KLHL1: variants seen among roughly 807,000 people sequenced by gnomAD.
KLHL1 encodes kelch like family member 1, also known as kelch-like protein 1.
A neutral mutation model predicts 77.7 loss-of-function variants in KLHL1; 47 were observed. The ratio of observed to expected loss-of-function variants is 0.60; its 90% CI spans 0.48 to 0.77. The LOEUF is 0.77. Among genes scored for constraint, KLHL1 ranks in the 30% least tolerant of loss-of-function variants. The pLI, the probability that KLHL1 is intolerant of heterozygous loss-of-function variation, is 0.00. For missense variants in KLHL1, 925 were observed against 910.8 expected (o/e 1.02, Z -0.20); for synonymous variants, 360 against 325.2 (o/e 1.11, Z -1.15).
At chr13:70,013,423 C>A (rs1885584924) in intron 1 of KLHL1, among the ~76,000 whole-genome samples, 2 of 152,134 alleles carry the variant, frequency 1.3e-5, no homozygotes, top group South Asian at 2.1e-4. Context: ...AAGCTTCCAT[C>A]TCTCACCACA....
chr13:69,820,758 A>G (rs913949866), intron 6 of KLHL1, among the ~76,000 whole-genome samples: 8 of 152,196 alleles, frequency 5.3e-5, no homozygotes, highest in Non-Finnish European at 1.2e-4. Context: ...AGCAGGTAGA[A>G]CAGGAGGTTG....
chr13:69,866,533 C>A (rs1880370469), intron 5 of KLHL1, among the ~76,000 whole-genome samples: 2 of 152,002 alleles, frequency 1.3e-5, no homozygotes, highest in African/African-American at 4.8e-5. Flanking sequence ...CATTGGTCTT[C>A]AATAGATTTT....
At chr13:69,997,469 C>G (rs1399463734) in intron 1 of KLHL1, among the ~76,000 whole-genome samples, 3 of 151,154 alleles carry the variant, frequency 2.0e-5, no homozygotes, top group Non-Finnish European at 4.4e-5. Context: ...CCCATTTTCT[C>G]TCCCTTCTAG....
chr13:69,812,157 T>C (rs1163848962), intron 6 of KLHL1, among the ~76,000 whole-genome samples: 1 of 152,208 alleles, frequency 6.6e-6, no homozygotes, highest in Non-Finnish European at 1.5e-5. Flanking sequence ...CATTTCGTTA[T>C]GTACCCAGTA....
chr13:69,903,002 G>C (rs779837678), intron 4 of KLHL1, among the ~76,000 whole-genome samples: 2 of 152,026 alleles, frequency 1.3e-5, no homozygotes, highest in African/African-American at 2.4e-5. Context: ...TTCCAATATA[G>C]TGTGCCTTAT....
chr13:69,859,802 T>C (rs755608577), intron 5 of KLHL1, among the ~76,000 whole-genome samples: 6 of 152,092 alleles, frequency 3.9e-5, no homozygotes, highest in Non-Finnish European at 8.8e-5. Flanking sequence ...AAAACATTAA[T>C]ATGTCAGTAG....
chr13:69,777,777 ATAAC>A (rs941442644), intron 7 of KLHL1, among the ~76,000 whole-genome samples: 5 of 152,276 alleles, frequency 3.3e-5, no homozygotes, highest in Admixed American at 3.3e-4. Context: ...CATTGTATGT[ATAAC>A]TAACTCTTTA....
chr13:69,724,858 A>T (rs1873225851), intron 8 of KLHL1, among the ~76,000 whole-genome samples: 1 of 152,164 alleles, frequency 6.6e-6, no homozygotes, highest in South Asian at 2.1e-4. Context: ...ATTAATTAAG[A>T]TGCTATATAT....
intron 6 of KLHL1, among the ~76,000 whole-genome samples, chr13:69,812,787 T>C (rs1396063242): frequency 6.7e-6 from 1 of 150,206 alleles, no homozygotes; most frequent in Admixed American, 6.6e-5. Context: ...CTCACACCAG[T>C]TAGTTAGAAT....
intron 5 of KLHL1, among the ~76,000 whole-genome samples, chr13:69,855,323 G>C (rs1357371044): frequency 6.1e-5 from 8 of 131,090 alleles, no homozygotes; most frequent in African/African-American, 1.9e-4. Flanking sequence ...TAGATAGATA[G>C]ATAGATAGAT....
At chr13:69,966,804 C>T (rs941652931) in intron 2 of KLHL1, among the ~76,000 whole-genome samples, 11 of 152,016 alleles carry the variant, frequency 7.2e-5, no homozygotes, top group African/African-American at 2.7e-4. Flanking sequence ...TATTATTCAA[C>T]TCTCTATGTC....
At chr13:69,835,541 G>T (rs116291747) in intron 6 of KLHL1, among the ~76,000 whole-genome samples, 2,219 of 152,182 alleles carry the variant, frequency 0.015, 61 homozygotes, top group African/African-American at 0.049. Flanking sequence ...GTTAAAGGGG[G>T]CTGACATGGC....
intron 6 of KLHL1, chr13:69,803,102 C>A (rs944211193): frequency 6.6e-6 from 1 of 152,134 alleles, no homozygotes; most frequent in South Asian, 2.1e-4. Flanking sequence ...AGCTACTTGA[C>A]ACTTTAGGGA....
chr13:69,864,003 C>T (rs557701178), intron 5 of KLHL1, among the ~76,000 whole-genome samples: 37 of 151,832 alleles, frequency 2.4e-4, no homozygotes, highest in Admixed American at 3.3e-4. Flanking sequence ...TAATAAACAA[C>T]GCAATAATTT....
At chr13:69,868,752 T>C (rs1880468075) in intron 5 of KLHL1, among the ~76,000 whole-genome samples, 1 of 152,134 alleles carries the variant, frequency 6.6e-6, no homozygotes, top group African/African-American at 2.4e-5. Context: ...TTCTCACACA[T>C]GAATAAAATG....
intron 1 of KLHL1, among the ~76,000 whole-genome samples, chr13:69,984,208 G>C (rs1884802103): frequency 6.6e-6 from 1 of 152,054 alleles, no homozygotes; most frequent in South Asian, 2.1e-4. Flanking sequence ...GTGAGGGTAC[G>C]GATGTCCTTG....
chr13:69,907,596 A>G (rs1293112492), intron 4 of KLHL1, among the ~76,000 whole-genome samples: 6 of 152,174 alleles, frequency 3.9e-5, no homozygotes, highest in Middle Eastern at 6.8e-3. Flanking sequence ...GTTAACTGCA[A>G]TATGGGTAAT....
chr13:69,990,927 C>CA (rs1885012183), intron 1 of KLHL1, among the ~76,000 whole-genome samples: 1 of 151,690 alleles, frequency 6.6e-6, no homozygotes, highest in South Asian at 2.1e-4. Context: ...TGAATAAACT[C>CA]AAAAAAACTG....
chr13:69,785,046 C>A (rs868604920), intron 7 of KLHL1, among the ~76,000 whole-genome samples: 2 of 151,396 alleles, frequency 1.3e-5, no homozygotes, highest in Non-Finnish European at 2.9e-5. Context: ...CCCGCCACTA[C>A]GCCCGGCTAA....
Sources: allele counts gnomAD v4.1 joint callset (sites outside exome capture counted in the v4.1 genomes callset), GRCh38; gene constraint gnomAD v4.1.1; transcripts MANE v1.5; gene names NCBI Gene and HGNC (gene_info 2026-07-23, HGNC 2026-07-21).